The following JAZF1 variants were observed in gnomAD, a reference collection of about 807,000 sequenced individuals.
JAZF1 encodes JAZF zinc finger 1.
In JAZF1, 8 loss-of-function variants were observed where a neutral mutation model predicts 26.4. The ratio of observed to expected loss-of-function variants is 0.30; its 90% CI spans 0.18 to 0.55. The LOEUF (loss-of-function observed/expected upper bound fraction) is 0.55. Among genes scored for constraint, JAZF1 ranks in the 20% least tolerant of loss-of-function variants. The pLI is 0.94. For missense variants in JAZF1, 199 were observed against 322.0 expected (o/e 0.62, Z 2.92); for synonymous variants, 126 against 122.3 (o/e 1.03, Z -0.20).
At chr7:28,134,729 C>A (rs1042969030) in intron 1 of JAZF1, among the ~76,000 whole-genome samples, 2 of 151,950 alleles carry the variant, frequency 1.3e-5, no homozygotes. Context: ...TTTTTTTTTA[C>A]ACCCAAATGA....
At chr7:27,918,806 G>C (rs1784483561) in intron 2 of JAZF1, among the ~76,000 whole-genome samples, 1 of 151,640 alleles carries the variant, frequency 6.6e-6, no homozygotes, top group South Asian at 2.1e-4. Context: ...AAGGAGAAGA[G>C]AAAACAGTGG....
rs996877400 is a variant in JAZF1 at position 27,956,412 on chromosome 7, C to T, written c.188+35497G>A. ...CTTTGGGGGTGTAACCCAGGCATTC[C>T]GAAGATTTTAAAGTGGGAATGCTAT... On this transcript the variant is annotated intron_variant, in intron 2 of 4. Transcript: ENST00000283928. Among the ~76,000 whole-genome samples the T allele has an allele frequency of 9.2e-5, 14 of 152,244 alleles. No homozygotes were observed. In the East Asian group the frequency reaches 9.6e-4, roughly 10 times the overall value.
At chr7:28,084,581 T>C (rs1221275950) in intron 1 of JAZF1, among the ~76,000 whole-genome samples, 2 of 152,232 alleles carry the variant, frequency 1.3e-5, no homozygotes, top group East Asian at 3.9e-4. Flanking sequence ...GTATGGGTTC[T>C]TTTAGTCTTT....
chr7:27,885,576 T>C (rs1197107074), intron 3 of JAZF1, among the ~76,000 whole-genome samples: 2 of 152,248 alleles, frequency 1.3e-5, no homozygotes, highest in Admixed American at 6.5e-5. Flanking sequence ...ATCAGACACA[T>C]GGCTTGCAAA....
chr7:27,859,511 C>T (rs907758764), intron 3 of JAZF1, among the ~76,000 whole-genome samples: 5 of 152,214 alleles, frequency 3.3e-5, no homozygotes, highest in African/African-American at 4.8e-5. Flanking sequence ...AAATGTGGCA[C>T]ATATACACCA....
intron 3 of JAZF1, among the ~76,000 whole-genome samples, chr7:27,882,511 A>G (rs754925623): frequency 1.3e-4 from 20 of 152,310 alleles, no homozygotes; most frequent in Middle Eastern, 3.4e-3. Flanking sequence ...TGGTCCCAGA[A>G]AGGTTCTAGC....
intron 1 of JAZF1, among the ~76,000 whole-genome samples, chr7:28,106,718 T>C (rs897074569): frequency 2.0e-5 from 3 of 152,196 alleles, no homozygotes; most frequent in Non-Finnish European, 2.9e-5. Flanking sequence ...GCAGATCACT[T>C]ACGGTTTTCA....
At chr7:27,874,918 G>A (rs1783649111) in intron 3 of JAZF1, among the ~76,000 whole-genome samples, 1 of 152,122 alleles carries the variant, frequency 6.6e-6, no homozygotes, top group Non-Finnish European at 1.5e-5. Context: ...CAGTGCTGGA[G>A]CGCCGGGAGC....
At chr7:28,135,480 G>C (rs1782868288) in intron 1 of JAZF1, among the ~76,000 whole-genome samples, 2 of 152,190 alleles carry the variant, frequency 1.3e-5, no homozygotes, top group African/African-American at 2.4e-5. Context: ...ACAGCCACAT[G>C]TTCTTTGGCT....
chr7:27,965,333 A>T (rs557886328), intron 2 of JAZF1, among the ~76,000 whole-genome samples: 1 of 152,244 alleles, frequency 6.6e-6, no homozygotes, highest in Non-Finnish European at 1.5e-5. Context: ...GACAGGTATT[A>T]AAAGAAGATC....
At chr7:28,158,186 C>CACACGG (rs149643430) in intron 1 of JAZF1, among the ~76,000 whole-genome samples, 1 of 143,346 alleles carries the variant, frequency 7.0e-6, no homozygotes, top group Non-Finnish European at 1.5e-5. Context: ...CACACACACA[C>CACACGG]AGAGAGAGAG....
chr7:27,841,001 CCAGGGG>C, intron 3 of JAZF1, 134 bp from the exon 4 acceptor site: 1 of 813,966 alleles, frequency 1.2e-6, no homozygotes, highest in South Asian at 1.7e-5. Flanking sequence ...ACTCCCGGCA[CCAGGGG>C]ACTGCAAACA....
intron 3 of JAZF1, among the ~76,000 whole-genome samples, chr7:27,847,899 C>T (rs1297116115): frequency 6.6e-6 from 1 of 152,108 alleles, no homozygotes; most frequent in Non-Finnish European, 1.5e-5. Context: ...AACTCCTGAC[C>T]TCAGGTGATC....
chr7:28,011,281 T>C (rs945552343), intron 1 of JAZF1, among the ~76,000 whole-genome samples: 2 of 152,252 alleles, frequency 1.3e-5, no homozygotes, highest in African/African-American at 4.8e-5. Flanking sequence ...TATAGTCTCT[T>C]GAAAGTTTAC....
chr7:27,982,552 A>G (rs1785606725), intron 2 of JAZF1, among the ~76,000 whole-genome samples: 1 of 152,230 alleles, frequency 6.6e-6, no homozygotes, highest in African/African-American at 2.4e-5. Context: ...AAAGGCAGCA[A>G]AAACTTCTGC....
intron 2 of JAZF1, among the ~76,000 whole-genome samples, chr7:27,953,500 G>A (rs1043187004): frequency 1.3e-5 from 2 of 152,196 alleles, no homozygotes; most frequent in South Asian, 2.1e-4. Context: ...CTTAATGCAA[G>A]CTCAGCTTTG....
chr7:27,916,542 C>A (rs1562528327), intron 2 of JAZF1, among the ~76,000 whole-genome samples: 1 of 152,116 alleles, frequency 6.6e-6, no homozygotes, highest in African/African-American at 2.4e-5. Flanking sequence ...GAACTCAGGG[C>A]CAACAGTACT....
chr7:27,848,385 A>G (rs1783072112), intron 3 of JAZF1, among the ~76,000 whole-genome samples: 1 of 152,170 alleles, frequency 6.6e-6, no homozygotes, highest in Non-Finnish European at 1.5e-5. Flanking sequence ...TGATTTTTGT[A>G]TATTGATAAC....
chr7:28,058,844 C>G (rs891682030), intron 1 of JAZF1, among the ~76,000 whole-genome samples: 26 of 152,046 alleles, frequency 1.7e-4, no homozygotes, highest in African/African-American at 5.1e-4. Context: ...AGTCAATTTT[C>G]TCAAGTATTT....
Sources: allele counts gnomAD v4.1 joint callset (sites outside exome capture counted in the v4.1 genomes callset), GRCh38; gene constraint gnomAD v4.1.1; transcripts MANE v1.5; gene names NCBI Gene and HGNC (gene_info 2026-07-23, HGNC 2026-07-21).